Variants in GPR160 observed in about 807,000 individuals in gnomAD.
GPR160 encodes the protein probable G protein-coupled receptor 160.
Under a neutral mutation model 2.6 loss-of-function variants are expected in GPR160, and 2 were observed. The observed-to-expected ratio is 0.77, with a 90% CI of 0.32 to 2.44. GPR160 has a LOEUF of 2.44. Among genes scored for constraint, GPR160 ranks in the 30% most tolerant of loss-of-function variants. The probability of loss-of-function intolerance (pLI) is 0.11; values close to 1 mark genes in which losing one functional copy is unlikely to be tolerated. For synonymous variants in GPR160, 130 were observed against 132.2 expected (o/e 0.98, Z 0.12); for missense variants, 351 against 383.6 (o/e 0.91, Z 0.71).
intron 2 of GPR160, among the ~76,000 whole-genome samples, chr3:170,051,207 C>G (rs1437841849): frequency 1.8e-4 from 27 of 152,136 alleles, no homozygotes; most frequent in Admixed American, 1.5e-3. Context: ...TCCCTAATGA[C>G]TAATGCTGTT....
At chr3:170,055,041 G>A (rs1188381665) in intron 2 of GPR160, among the ~76,000 whole-genome samples, 1 of 152,192 alleles carries the variant, frequency 6.6e-6, no homozygotes, top group African/African-American at 2.4e-5. Context: ...TGACCCATCT[G>A]CCTTGGCCTC....
intron 3 of GPR160, among the ~76,000 whole-genome samples, chr3:170,082,492 A>C (rs1713182564): frequency 1.3e-5 from 2 of 152,216 alleles, no homozygotes; most frequent in Non-Finnish European, 2.9e-5. Context: ...TGATGCTCAA[A>C]TGAAAGTGTG....
intron 2 of GPR160, among the ~76,000 whole-genome samples, chr3:170,070,686 T>C (rs534914886): frequency 9.8e-5 from 15 of 152,322 alleles, no homozygotes; most frequent in Admixed American, 9.8e-4. Context: ...TTCCTCAGCA[T>C]CACAATGAGG....
chr3:170,062,576 C>T (rs2108328596), intron 2 of GPR160: 2 of 972,016 alleles, frequency 2.1e-6, no homozygotes, highest in East Asian at 5.3e-5. Flanking sequence ...ACCCCTCGCA[C>T]CTTTTCCAAA....
At chr3:170,065,242 TTTCAG>T (rs1198561979) in intron 2 of GPR160, among the ~76,000 whole-genome samples, 5 of 152,244 alleles carry the variant, frequency 3.3e-5, no homozygotes, top group African/African-American at 9.6e-5. Context: ...TTTGTTTTCC[TTTCAG>T]TTATCTGTCT....
chr3:170,041,329 T>A (rs1716440690), intron 2 of GPR160, among the ~76,000 whole-genome samples: 1 of 134,164 alleles, frequency 7.5e-6, no homozygotes, highest in Non-Finnish European at 1.6e-5. Flanking sequence ...TGAGACGGAG[T>A]CTTGCTCTGT....
At chr3:170,057,089 C>T (rs1576896929) in intron 2 of GPR160, among the ~76,000 whole-genome samples, 1 of 152,186 alleles carries the variant, frequency 6.6e-6, no homozygotes, top group Admixed American at 6.5e-5. Context: ...TAAGTGATGA[C>T]ATCTGGTCAA....
Position 170,084,252 on chromosome 3 carries a change from A to C in GPR160, c.280A>C (p.Ile94Leu), listed in dbSNP as rs1233343205. 1 of 1,607,744 alleles carries C rather than the reference A, an allele frequency of 6.2e-7. No homozygotes were observed. Among genetic ancestry groups the C allele is most frequent in the Admixed American group, 1.7e-5 (1 of 59,850 alleles). The change falls in exon 4 of 4, where the codon ATC becomes CTC. Residue 94 changes from isoleucine (I) to leucine (L), a missense_variant. Ile to Leu is a conservative substitution (Grantham distance 5). Transcript: ENST00000355897. ...LLSIRFTKYH[I>L]CLFTQIISFT... ...AAGCATTAGGTTCACTAAATACCAC[A>C]TCTGCCTATTTACTCAAATTATTTC... is the stretch of plus-strand genomic sequence containing the variant.
At chr3:170,040,093 A>G (rs1364087466) in intron 2 of GPR160, among the ~76,000 whole-genome samples, 1 of 152,202 alleles carries the variant, frequency 6.6e-6, no homozygotes, top group Non-Finnish European at 1.5e-5. Context: ...TAAAACCTAG[A>G]TGACGGGTTG....
intron 2 of GPR160, among the ~76,000 whole-genome samples, chr3:170,068,707 T>C (rs565575172): frequency 1.3e-5 from 2 of 152,360 alleles, no homozygotes; most frequent in South Asian, 4.1e-4. Context: ...CCTCCTCTTC[T>C]TGTATGGATG....
Position 170,082,046 on chromosome 3 carries a change from A to G in GPR160, c.-68-1859A>G, listed in dbSNP as rs1421951965. Among the ~76,000 whole-genome samples, 3 of 152,308 alleles carry G rather than the reference A, an allele frequency of 2.0e-5. No homozygotes were observed. The South Asian group carries it at 6.2e-4, about 32-fold the overall frequency. On this transcript the variant is annotated intron_variant, in intron 3 of 3. Coordinates refer to ENST00000355897, the MANE Select transcript of GPR160 (RefSeq NM_014373.3). ...TATCTTCAGACAAAATTATTTAATC[A>G]TCAGTGACCTATTTTTAGGCAAATT...
chr3:170,039,598 C>T (rs1433285788), intron 2 of GPR160, among the ~76,000 whole-genome samples: 1 of 152,150 alleles, frequency 6.6e-6, no homozygotes, highest in Non-Finnish European at 1.5e-5. Context: ...ATCCCGGCTA[C>T]TCGGGAAGGC....
chr3:170,073,235 G>A (rs964508333), intron 2 of GPR160, among the ~76,000 whole-genome samples: 7 of 151,752 alleles, frequency 4.6e-5, no homozygotes, highest in Admixed American at 3.9e-4. Flanking sequence ...TGTTGTGACA[G>A]CCCTAGGAAG....
Position 170,084,286 on chromosome 3 carries a change from A to G in GPR160, c.314A>G (p.Tyr105Cys), listed in dbSNP as rs750308860. The G allele has an allele frequency of 3.7e-6, 6 of 1,609,030 alleles. No individual in the cohort carries two copies. The South Asian group carries it at 6.6e-5, about 18-fold the overall frequency. The change falls in exon 4 of 4, where the codon TAT becomes TGT. Residue 105 changes from tyrosine (Y) to cysteine (C), a missense_variant. Tyr to Cys is a radical substitution (Grantham distance 194). Coordinates refer to ENST00000355897, the MANE Select transcript of GPR160 (RefSeq NM_014373.3). ...TTTACTCAAATTATTTCCTTTACTT[A>G]TGGCTTTTTGCATTATCCAGTTTTC... The part of the protein sequence containing the change: ...CLFTQIISFT[Y>C]GFLHYPVFLT...
chr3:170,049,386 T>C (rs1432622762), intron 2 of GPR160, among the ~76,000 whole-genome samples: 1 of 152,144 alleles, frequency 6.6e-6, no homozygotes, highest in Non-Finnish European at 1.5e-5. Flanking sequence ...CTGGGGAGGG[T>C]ATACTGTGGG....
At chr3:170,065,528 G>T (rs1005643406) in intron 2 of GPR160, among the ~76,000 whole-genome samples, 12 of 152,136 alleles carry the variant, frequency 7.9e-5, no homozygotes, top group Admixed American at 7.9e-4. Context: ...TGCTCTCCTA[G>T]TTTATTATTC....
chr3:170,053,576 C>T (rs1279146030), intron 2 of GPR160, among the ~76,000 whole-genome samples: 1 of 152,038 alleles, frequency 6.6e-6, no homozygotes, highest in African/African-American at 2.4e-5. Context: ...AGTCTGTATG[C>T]CTTTCTTTTA....
chr3:170,084,661 C>G lies in GPR160; in HGVS notation c.689C>G (p.Ser230Cys). Residue 230 changes from serine to cysteine, a missense_variant, in exon 4 of 4, where the codon TCC (serine) becomes TGC (cysteine). Ser to Cys is a moderately radical substitution (Grantham distance 112, BLOSUM62 -1). Transcript: ENST00000355897. ...TILYFPFSSH[S>C]SYTVRSKKIF... ...TTATATTTTCCTTTTTCATCCCACTCCAGTTATACTGTGAGATCTAAAAAA... is the reference window on the plus strand; with the variant it reads ...TTATATTTTCCTTTTTCATCCCACTGCAGTTATACTGTGAGATCTAAAAAA... 3 of 1,608,582 alleles carry G rather than the reference C, an allele frequency of 1.9e-6. No homozygotes were observed. The highest frequency in any genetic ancestry group is 1.7e-6 in the Non-Finnish European group (2 of 1,175,302).
rs1332442668 is a variant in GPR160 at position 170,084,804 on chromosome 3, C to T, written c.832C>T (p.Pro278Ser). ...QIPAYIEMNI[P>S]WLYFVNSFLI... ...TCCAGCATATATTGAGATGAATATT[C>T]CCTGGTTATACTTTGTCAATAGTTT... The change falls in exon 4 of 4, where the codon CCC becomes TCC. Residue 278 changes from proline (P) to serine (S), a missense_variant. Coordinates refer to ENST00000355897, the MANE Select transcript of GPR160 (RefSeq NM_014373.3). 1.9e-6 allele frequency: 3 copies of T among 1,604,940 alleles called. No homozygotes were observed. Among genetic ancestry groups the T allele is most frequent in the Admixed American group, 1.7e-5 (1 of 59,856 alleles).
Sources: allele counts gnomAD v4.1 joint callset (sites outside exome capture counted in the v4.1 genomes callset), GRCh38; gene constraint gnomAD v4.1.1; transcripts MANE v1.5; gene names NCBI Gene and HGNC (gene_info 2026-07-23, HGNC 2026-07-21).